Variants in TMEM266 observed in about 807,000 individuals in gnomAD.
TMEM266 encodes the protein transmembrane protein 266.
A neutral mutation model predicts 50.5 loss-of-function variants in TMEM266; 33 were observed. The observed-to-expected ratio is 0.65, with a 90% CI of 0.50 to 0.87. The LOEUF (loss-of-function observed/expected upper bound fraction) is 0.87. Ranked by LOEUF, TMEM266 falls within the 40% of genes least tolerant of loss-of-function variation. The pLI, the probability that TMEM266 is intolerant of heterozygous loss-of-function variation, is 0.00. For synonymous variants in TMEM266, 310 were observed against 292.3 expected, an observed-to-expected ratio of 1.06 and a Z score of -0.62; for missense variants, 655 against 695.1, an observed-to-expected ratio of 0.94 and a Z score of 0.65.
chr15:76,125,734 G>C (rs544708471), intron 1 of TMEM266, among the ~76,000 whole-genome samples: 1 of 152,052 alleles, frequency 6.6e-6, no homozygotes, highest in Non-Finnish European at 1.5e-5. Flanking sequence ...TGTAATCCCA[G>C]CTACCCGGGA....
At chr15:76,088,003 A>C (rs1408869040) in intron 1 of TMEM266, among the ~76,000 whole-genome samples, 1 of 152,122 alleles carries the variant, frequency 6.6e-6, no homozygotes, top group Non-Finnish European at 1.5e-5. Flanking sequence ...GCAACAATCA[A>C]ATAGCTTCTT....
chr15:76,191,846 G>A (rs1596167256), intron 8 of TMEM266, 122 bp from the exon 9 acceptor site: 2 of 865,702 alleles, frequency 2.3e-6, no homozygotes, highest in East Asian at 3.3e-5. Flanking sequence ...ATCCAGCTGC[G>A]GGAGGCTCAG....
intron 1 of TMEM266, among the ~76,000 whole-genome samples, chr15:76,118,928 TA>T (rs1425776553): frequency 6.6e-6 from 1 of 152,132 alleles, no homozygotes. Context: ...ACTCCTAGCT[TA>T]AAGCAGGCCC....
intron 3 of TMEM266, among the ~76,000 whole-genome samples, chr15:76,144,542 T>C (rs946150980): frequency 6.6e-5 from 10 of 152,178 alleles, no homozygotes; most frequent in Admixed American, 6.5e-4. Flanking sequence ...GAAGGAAAGC[T>C]ACCCCCATGC....
intron 1 of TMEM266, among the ~76,000 whole-genome samples, chr15:76,080,362 CT>C (rs1411159278): frequency 5.5e-5 from 1 of 18,136 alleles, no homozygotes; most frequent in Admixed American, 5.6e-4. Flanking sequence ...AGCGATTCTC[CT>C]GCCTCAGCCT....
intron 1 of TMEM266, among the ~76,000 whole-genome samples, chr15:76,079,330 G>A (rs1332175777): frequency 7.2e-6 from 1 of 138,172 alleles, no homozygotes; most frequent in Non-Finnish European, 1.5e-5. Context: ...TCCAGCCTGG[G>A]CAACAGAGCA....
At chr15:76,120,499 G>A (rs922388404) in intron 1 of TMEM266, among the ~76,000 whole-genome samples, 5 of 152,012 alleles carry the variant, frequency 3.3e-5, no homozygotes, top group Non-Finnish European at 5.9e-5. Context: ...GGTGGCTCAC[G>A]CCCATAATCC....
At chr15:76,167,255 G>T (rs1378817839) in intron 5 of TMEM266, among the ~76,000 whole-genome samples, 1 of 152,044 alleles carries the variant, frequency 6.6e-6, no homozygotes, top group East Asian at 2.0e-4. Context: ...CGGATCATGA[G>T]GTCGGTAGAT....
chr15:76,203,128 T>C (rs1161561771), intron 10 of TMEM266, among the ~76,000 whole-genome samples: 2 of 152,074 alleles, frequency 1.3e-5, no homozygotes, highest in Non-Finnish European at 2.9e-5. Flanking sequence ...CCTCTGATCC[T>C]GTGATGCATG....
At chr15:76,170,863 G>A in intron 6 of TMEM266, 130 bp from the exon 7 acceptor site, 2 of 1,092,570 alleles carry the variant, frequency 1.8e-6, no homozygotes, top group Non-Finnish European at 2.6e-6. Context: ...GCCACCCGGG[G>A]TGGGGTGGCC....
intron 1 of TMEM266, among the ~76,000 whole-genome samples, chr15:76,076,830 A>G (rs1002747653): frequency 3.9e-5 from 6 of 152,120 alleles, no homozygotes; most frequent in African/African-American, 1.5e-4. Context: ...TGTGATTACA[A>G]TTTATAATAG....
At chr15:76,099,647 G>T (rs1368278147) in intron 1 of TMEM266, among the ~76,000 whole-genome samples, 1 of 152,182 alleles carries the variant, frequency 6.6e-6, no homozygotes, top group Non-Finnish European at 1.5e-5. Flanking sequence ...ATTGAGATTG[G>T]CACCCTGGTT....
At chr15:76,118,807 G>A (rs1567157559) in intron 1 of TMEM266, among the ~76,000 whole-genome samples, 1 of 152,210 alleles carries the variant, frequency 6.6e-6, no homozygotes. Context: ...GGAGATTTAC[G>A]TAGAGTGTCA....
chr15:76,128,079 A>G (rs959069956), intron 1 of TMEM266, among the ~76,000 whole-genome samples: 3 of 152,216 alleles, frequency 2.0e-5, no homozygotes, highest in Non-Finnish European at 4.4e-5. Flanking sequence ...GAGCTTCTCA[A>G]ACTTCACCTG....
chr15:76,147,716 A>AC (rs1222013643), intron 3 of TMEM266, among the ~76,000 whole-genome samples: 4 of 152,180 alleles, frequency 2.6e-5, no homozygotes, highest in Non-Finnish European at 4.4e-5. Context: ...GGGTCCAGGA[A>AC]CCCCAGAGAA....
At chr15:76,175,512 AG>A (rs778351558) in intron 7 of TMEM266, 46 bp from the exon 8 acceptor site, 6 of 1,507,368 alleles carry the variant, frequency 4.0e-6, no homozygotes, top group Middle Eastern at 1.7e-4. Flanking sequence ...CCCTAGTCCA[AG>A]CCCTGCCACT....
At chr15:76,172,665 G>A (rs1481486884) in intron 7 of TMEM266, among the ~76,000 whole-genome samples, 1 of 152,174 alleles carries the variant, frequency 6.6e-6, no homozygotes, top group African/African-American at 2.4e-5. Flanking sequence ...GGAAGGCTCT[G>A]GGAGATCACC....
At chr15:76,190,492 G>T (rs1403669107) in intron 8 of TMEM266, among the ~76,000 whole-genome samples, 1 of 152,080 alleles carries the variant, frequency 6.6e-6, no homozygotes, top group Non-Finnish European at 1.5e-5. Flanking sequence ...AGTCCTGTTG[G>T]AGTGATGGCA....
intron 1 of TMEM266, among the ~76,000 whole-genome samples, chr15:76,119,910 T>A (rs193048713): frequency 3.4e-4 from 52 of 152,356 alleles, no homozygotes; most frequent in African/African-American, 1.2e-3. Flanking sequence ...AGATTTTTAC[T>A]ACAGTGCTCT....
Sources: allele counts gnomAD v4.1 joint callset (sites outside exome capture counted in the v4.1 genomes callset), GRCh38; gene constraint gnomAD v4.1.1; transcripts MANE v1.5; gene names NCBI Gene and HGNC (gene_info 2026-07-23, HGNC 2026-07-21).